SORCS1: variants seen among roughly 807,000 people sequenced by gnomAD.
The protein encoded by SORCS1 is sortilin related VPS10 domain containing receptor 1.
In SORCS1, 60 loss-of-function variants were observed where a neutral mutation model predicts 146.1. That is an observed-to-expected ratio of 0.41 (90% CI 0.33 to 0.51). The LOEUF is 0.51. Among genes scored for constraint, SORCS1 ranks in the 20% least tolerant of loss-of-function variants. The probability of loss-of-function intolerance (pLI) is 0.21; values close to 1 mark genes in which losing one functional copy is unlikely to be tolerated. For synonymous variants in SORCS1, 637 were observed against 584.0 expected, an observed-to-expected ratio of 1.09 and a Z score of -1.31; for missense variants, 1,352 against 1,487.6, an observed-to-expected ratio of 0.91 and a Z score of 1.50.
the SORCS1 span, among the ~76,000 whole-genome samples, chr10:107,172,007 T>C: frequency 5.3e-5 from 8 of 152,210 alleles, no homozygotes; most frequent in African/African-American, 1.9e-4. Flanking sequence ...TGAGGCCTGT[T>C]CATTTTCTAA....
chr10:106,588,316 A>T (rs938200124), intron 24 of SORCS1, among the ~76,000 whole-genome samples: 6 of 152,182 alleles, frequency 3.9e-5, no homozygotes, highest in Non-Finnish European at 8.8e-5. Context: ...CAAATATTCC[A>T]AGAAATTAGA....
At chr10:106,864,587 G>A (rs1189990757) in intron 2 of SORCS1, among the ~76,000 whole-genome samples, 1 of 152,128 alleles carries the variant, frequency 6.6e-6, no homozygotes, top group African/African-American at 2.4e-5. Flanking sequence ...ACACCCTCAG[G>A]AAAAGGCTGA....
At chr10:106,579,501 A>T (rs1198750215) in intron 24 of SORCS1, 27 bp from the exon 25 acceptor site, 1 of 1,611,524 alleles carries the variant, frequency 6.2e-7, no homozygotes, top group Non-Finnish European at 8.5e-7. Flanking sequence ...AGCAGAGAAA[A>T]ATGAGCAGAG....
chr10:106,684,033 C>T (rs1852633779), intron 10 of SORCS1, among the ~76,000 whole-genome samples: 1 of 152,140 alleles, frequency 6.6e-6, no homozygotes, highest in Non-Finnish European at 1.5e-5. Flanking sequence ...CTGCTCAGCT[C>T]CAGTAGCAAA....
intron 2 of SORCS1, among the ~76,000 whole-genome samples, chr10:106,942,406 C>T (rs1007280154): frequency 3.3e-5 from 5 of 152,170 alleles, no homozygotes; most frequent in African/African-American, 1.2e-4. Context: ...AACCAAATGC[C>T]TTCTTGTGTG....
At chr10:106,619,359 T>C in intron 20 of SORCS1, among the ~76,000 whole-genome samples, 1 of 152,238 alleles carries the variant, frequency 6.6e-6, no homozygotes, top group East Asian at 1.9e-4. Flanking sequence ...TTCTTTCCAC[T>C]GTTTAGGTTT....
intron 1 of SORCS1, among the ~76,000 whole-genome samples, chr10:107,007,997 T>C (rs1957528339): frequency 7.3e-6 from 1 of 137,092 alleles, no homozygotes; most frequent in South Asian, 2.1e-4. Flanking sequence ...TTGTATGTTG[T>C]CTAAAGATTT....
chr10:106,606,100 C>A (rs1282903332), intron 23 of SORCS1, among the ~76,000 whole-genome samples: 1 of 152,004 alleles, frequency 6.6e-6, no homozygotes, highest in Non-Finnish European at 1.5e-5. Context: ...TCTAAAAGTG[C>A]AACTAGGCCA....
chr10:106,808,108 C>T (rs1947277669), intron 3 of SORCS1, among the ~76,000 whole-genome samples: 1 of 152,248 alleles, frequency 6.6e-6, no homozygotes, highest in Non-Finnish European at 1.5e-5. Context: ...ACAACCTCTG[C>T]TCTTGGGTTC....
At chr10:106,874,656 T>C (rs1950535599) in intron 2 of SORCS1, among the ~76,000 whole-genome samples, 1 of 151,656 alleles carries the variant, frequency 6.6e-6, no homozygotes, top group East Asian at 1.9e-4. Flanking sequence ...TCCTAGCAGA[T>C]GACATAAGCT....
chr10:107,150,534 T>C (rs909550580), intron 1 of SORCS1, among the ~76,000 whole-genome samples: 4 of 152,206 alleles, frequency 2.6e-5, no homozygotes, highest in African/African-American at 7.2e-5. Flanking sequence ...CACTGTGCTT[T>C]TGGAAGGGCA....
rs551189404 is a variant in SORCS1, at chr10:106,754,932, A to C, written c.959+6656T>G. ...GTATGTCAGAGCAACATAATCAATAAGGTAAGGCTGAACCTATTTTTAATT... is the reference window on the plus strand; with the variant it reads ...GTATGTCAGAGCAACATAATCAATACGGTAAGGCTGAACCTATTTTTAATT... On this transcript the variant is annotated intron_variant, in intron 5 of 25. Coordinates refer to ENST00000263054, the MANE Select transcript of SORCS1 (RefSeq NM_052918.5). Among the ~76,000 whole-genome samples the C allele has an allele frequency of 7.0e-4, 106 of 152,318 alleles. 1 individual carries two copies. The South Asian group carries it at 0.01, about 15-fold the overall frequency.
chr10:107,092,299 C>T (rs929174618), intron 1 of SORCS1, among the ~76,000 whole-genome samples: 5 of 152,124 alleles, frequency 3.3e-5, no homozygotes, highest in Admixed American at 3.3e-4. Context: ...TGATGTTGCC[C>T]AAGACTGACA....
chr10:106,866,482 C>A (rs545840047), intron 2 of SORCS1, among the ~76,000 whole-genome samples: 105 of 152,324 alleles, frequency 6.9e-4, no homozygotes, highest in African/African-American at 2.4e-3. Flanking sequence ...AAGGTCTCTT[C>A]CTCTGCTATC....
chr10:106,832,955 G>T (rs957543083), intron 2 of SORCS1, among the ~76,000 whole-genome samples: 2 of 152,038 alleles, frequency 1.3e-5, no homozygotes, highest in African/African-American at 4.8e-5. Context: ...GGCAAATGAG[G>T]ATTATATTAT....
At chr10:106,669,242 AAACAACAAC>A (rs35656422) in intron 16 of SORCS1, among the ~76,000 whole-genome samples, 23 of 151,376 alleles carry the variant, frequency 1.5e-4, no homozygotes, top group African/African-American at 2.9e-4. Context: ...TGAAAAAGAA[AAACAACAAC>A]AACAACAACA....
Position 107,100,560 on chromosome 10 carries a change from T to C in SORCS1, c.558+63409A>G, listed in dbSNP as rs550849007. On this transcript the variant is annotated intron_variant, in intron 1 of 25. Transcript: ENST00000263054. ...ATAGTCTCTTAGGCAGACTTTATGA[T>C]ACAGTCAAAGCTATCTTGTATCTAG... Among the ~76,000 whole-genome samples the C allele has an allele frequency of 2.0e-5, 3 of 151,744 alleles. No homozygotes were observed. In the East Asian group the frequency reaches 5.8e-4, roughly 29 times the overall value.
intron 1 of SORCS1, among the ~76,000 whole-genome samples, chr10:107,039,098 G>A (rs1393604741): frequency 6.6e-6 from 1 of 152,066 alleles, no homozygotes; most frequent in Non-Finnish European, 1.5e-5. Context: ...GGGAGGCTGA[G>A]GCGGGTGGAT....
chr10:107,149,661 A>AG (rs1042796247), intron 1 of SORCS1, among the ~76,000 whole-genome samples: 4 of 152,202 alleles, frequency 2.6e-5, no homozygotes, highest in African/African-American at 9.7e-5. Flanking sequence ...GTGAAGATTT[A>AG]GGGGAGCAAT....
Sources: gnomAD v4.1 joint callset for allele counts (sites outside exome capture counted in the v4.1 genomes callset) on GRCh38, gnomAD v4.1.1 for gene constraint, MANE v1.5 for transcripts, NCBI Gene and HGNC (gene_info 2026-07-23, HGNC 2026-07-21) for gene names.